PATJ: variants seen among roughly 807,000 people sequenced by gnomAD.
The protein encoded by PATJ is PATJ crumbs cell polarity complex component.
A neutral mutation model predicts 224.9 loss-of-function variants in PATJ; 190 were observed. The observed-to-expected ratio is 0.84, with a 90% confidence interval of 0.75 to 0.95. The LOEUF (loss-of-function observed/expected upper bound fraction) is 0.95, where lower values mean the gene tolerates loss of function less well. Ranked by LOEUF, PATJ falls within the 40% of genes least tolerant of loss-of-function variation. The pLI is 0.00. For synonymous variants in PATJ, 769 were observed against 820.3 expected (o/e 0.94, Z 1.07); for missense variants, 2,121 against 2,270.3 (o/e 0.93, Z 1.34).
intron 27 of PATJ, among the ~76,000 whole-genome samples, chr1:61,984,948 A>G (rs1644664213): frequency 6.6e-6 from 1 of 152,032 alleles, no homozygotes; most frequent in Non-Finnish European, 1.5e-5. Context: ...ATTTGGATTC[A>G]ATTCATAGTA....
At chr1:62,017,413 CAAAA>C (rs58031818) in intron 28 of PATJ, among the ~76,000 whole-genome samples, 2 of 134,558 alleles carry the variant, frequency 1.5e-5, no homozygotes, top group African/African-American at 5.5e-5. Flanking sequence ...GACTCCGCCT[CAAAA>C]AAAAAAAAAA....
chr1:61,842,224 A>T (rs1661211951), intron 17 of PATJ, among the ~76,000 whole-genome samples: 1 of 152,178 alleles, frequency 6.6e-6, no homozygotes, highest in Non-Finnish European at 1.5e-5. Context: ...ATCAGCTTGA[A>T]ATCCAGATAG....
chr1:61,945,642 AC>A lies in PATJ; in HGVS notation c.3670+17817del, dbSNP rs200332537. Among the ~76,000 whole-genome samples, 1,405 of 152,098 alleles carry A rather than the reference AC, an allele frequency of 9.2e-3. 20 individuals are homozygous for A. The highest frequency in any genetic ancestry group is 0.068 in the South Asian group (328 of 4,808). ...CACAATAATAGTGGGAGACTTTAAC[AC>A]CCCACTGTCAACATTAGACAGAAAG... is the stretch of plus-strand genomic sequence containing the variant. On this transcript the variant is annotated intron_variant, in intron 27 of 43. Coordinates refer to ENST00000642238, the MANE Select transcript of PATJ (RefSeq NM_001350145.3).
intron 27 of PATJ, among the ~76,000 whole-genome samples, chr1:61,975,541 T>C (rs2149480167): frequency 6.6e-6 from 1 of 152,128 alleles, no homozygotes; most frequent in South Asian, 2.1e-4. Flanking sequence ...TTCCAGTTGA[T>C]GCCCTTAATC....
At chr1:61,805,345 T>C (rs534732051) in intron 12 of PATJ, 103 bp from the exon 13 acceptor site, 1 of 716,078 alleles carries the variant, frequency 1.4e-6, no homozygotes, top group African/African-American at 1.8e-5. Flanking sequence ...TCCCCTTTAC[T>C]TACTGAAACT....
intron 14 of PATJ, among the ~76,000 whole-genome samples, chr1:61,808,859 T>C (rs3790575): frequency 0.17 from 25,411 of 152,146 alleles, 2,500 homozygotes; most frequent in East Asian, 0.47. Context: ...CTATGTCATG[T>C]TCAGAAGCCA....
intron 39 of PATJ, among the ~76,000 whole-genome samples, chr1:62,126,749 G>A (rs1468338272): frequency 6.6e-6 from 1 of 152,154 alleles, no homozygotes; most frequent in Non-Finnish European, 1.5e-5. Flanking sequence ...AGTATGTGTG[G>A]CAGTTTAATC....
chr1:61,875,485 T>C (rs4598521), intron 21 of PATJ, 119 bp downstream of exon 21: 511,374 of 743,646 alleles, frequency 0.69, 177,916 homozygotes, highest in East Asian at 0.91. Flanking sequence ...TTTGAATTTA[T>C]GTCTGCTTAA....
At chr1:61,946,399 C>T (rs1014146200) in intron 27 of PATJ, among the ~76,000 whole-genome samples, 2 of 152,104 alleles carry the variant, frequency 1.3e-5, no homozygotes, top group African/African-American at 4.8e-5. Context: ...CCACCAATCC[C>T]ACAGAAATAG....
intron 9 of PATJ, among the ~76,000 whole-genome samples, chr1:61,794,218 A>G (rs1650545179): frequency 6.6e-6 from 1 of 151,562 alleles, no homozygotes. Flanking sequence ...TTTTTCTTTA[A>G]GAGACAAGCC....
intron 3 of PATJ, among the ~76,000 whole-genome samples, chr1:61,763,848 G>A (rs575345795): frequency 6.6e-6 from 1 of 151,978 alleles, no homozygotes; most frequent in Non-Finnish European, 1.5e-5. Context: ...TATAGAGGCA[G>A]GGTCTCCCTA....
chr1:61,758,429 A>G (rs899124496), intron 1 of PATJ, among the ~76,000 whole-genome samples: 4 of 151,676 alleles, frequency 2.6e-5, no homozygotes, highest in African/African-American at 4.8e-5. Flanking sequence ...GCTCACTGCA[A>G]CCTCCGCCTC....
At chr1:61,807,564 G>A (rs1653845613) in intron 13 of PATJ, among the ~76,000 whole-genome samples, 1 of 152,152 alleles carries the variant, frequency 6.6e-6, no homozygotes, top group Admixed American at 6.5e-5. Context: ...TTATAAAGAG[G>A]AGACAGAATT....
intron 1 of PATJ, among the ~76,000 whole-genome samples, chr1:61,744,603 GAGTA>G (rs1335373344): frequency 8.5e-5 from 13 of 152,120 alleles, no homozygotes; most frequent in Admixed American, 2.0e-4. Context: ...ATCCTATTAG[GAGTA>G]AGAGAAAAAA....
intron 22 of PATJ, among the ~76,000 whole-genome samples, chr1:61,890,281 C>T (rs1021515395): frequency 5.3e-5 from 8 of 152,140 alleles, no homozygotes; most frequent in South Asian, 4.2e-4. Flanking sequence ...GAGTTCAAGA[C>T]GAGCCTGGGC....
intron 41 of PATJ, among the ~76,000 whole-genome samples, chr1:62,131,875 T>A (rs560711205): frequency 0.028 from 4,214 of 150,162 alleles, 98 homozygotes; most frequent in South Asian, 0.084. Flanking sequence ...AATTATTATT[T>A]TTTTTTTTTT....
At chr1:62,085,823 T>TAA (rs781768840) in intron 33 of PATJ, among the ~76,000 whole-genome samples, 3,948 of 118,548 alleles carry the variant, frequency 0.033, 176 homozygotes, top group African/African-American at 0.1. Context: ...TGTCTCTGTT[T>TAA]AAAAAAAAAA....
intron 10 of PATJ, among the ~76,000 whole-genome samples, chr1:61,795,778 A>G (rs548872389): frequency 6.1e-5 from 9 of 146,500 alleles, no homozygotes; most frequent in African/African-American, 2.0e-4. Context: ...ACATATTGGT[A>G]AAAAAGTATA....
chr1:61,858,179 G>A (rs973604254), intron 18 of PATJ, among the ~76,000 whole-genome samples: 1 of 152,144 alleles, frequency 6.6e-6, no homozygotes, highest in Non-Finnish European at 1.5e-5. Context: ...ACTCATGGCA[G>A]AAGACAAAGT....
Sources: allele counts gnomAD v4.1 joint callset (sites outside exome capture counted in the v4.1 genomes callset), GRCh38; gene constraint gnomAD v4.1.1; transcripts MANE v1.5; gene names NCBI Gene and HGNC (gene_info 2026-07-23, HGNC 2026-07-21).